Variants in AKR1D1 observed in about 807,000 individuals in gnomAD.
AKR1D1 encodes the protein delta(4)-3-ketosteroid 5-beta-reductase.
AKR1D1 carries 32 observed loss-of-function variants against 42.6 expected under a neutral mutation model. The ratio of observed to expected loss-of-function variants is 0.75; its 90% CI spans 0.57 to 1.01. The LOEUF (loss-of-function observed/expected upper bound fraction) is 1.01, where lower values mean the gene tolerates loss of function less well. Ranked by LOEUF, AKR1D1 falls within the 50% of genes least tolerant of loss-of-function variation. The pLI is 0.00. For missense variants in AKR1D1, 364 were observed against 402.2 expected (o/e 0.91, Z 0.81); for synonymous variants, 123 against 135.5 (o/e 0.91, Z 0.64).
At chr7:138,078,401 A>C (rs1462316903) in intron 1 of AKR1D1, among the ~76,000 whole-genome samples, 1 of 152,202 alleles carries the variant, frequency 6.6e-6, no homozygotes, top group South Asian at 2.1e-4. Context: ...AGGAGAAATA[A>C]ACTACCCATA....
At chr7:138,103,327 C>T (rs1794353748) in intron 4 of AKR1D1, among the ~76,000 whole-genome samples, 1 of 151,970 alleles carries the variant, frequency 6.6e-6, no homozygotes, top group Admixed American at 6.6e-5. Context: ...GGAAAATGAA[C>T]CCATAATACG....
At chr7:138,107,353 T>C in intron 6 of AKR1D1, 62 bp from the exon 7 acceptor site, 1 of 1,563,120 alleles carries the variant, frequency 6.4e-7, no homozygotes, top group African/African-American at 1.4e-5. Context: ...AGGAGGATGG[T>C]TTATTAACCT....
chr7:138,111,415 C>T (rs1337317967), intron 7 of AKR1D1, among the ~76,000 whole-genome samples: 1 of 152,204 alleles, frequency 6.6e-6, no homozygotes, highest in Non-Finnish European at 1.5e-5. Flanking sequence ...ACTGGAACAG[C>T]CCTTGTCAAA....
chr7:138,105,050 C>T (rs1042816307), intron 4 of AKR1D1, among the ~76,000 whole-genome samples: 5 of 152,110 alleles, frequency 3.3e-5, no homozygotes, highest in African/African-American at 4.8e-5. Flanking sequence ...TGAGCCATCG[C>T]GCCCTACCTG....
intron 1 of AKR1D1, among the ~76,000 whole-genome samples, chr7:138,083,098 T>A (rs1803091990): frequency 6.6e-6 from 1 of 152,226 alleles, no homozygotes; most frequent in African/African-American, 2.4e-5. Flanking sequence ...AATATATCTT[T>A]AATTTTTTTA....
At chr7:138,093,056 CACTAAT>C (rs1169045192) in intron 3 of AKR1D1, among the ~76,000 whole-genome samples, 1 of 151,552 alleles carries the variant, frequency 6.6e-6, no homozygotes, top group East Asian at 1.9e-4. Context: ...TTAGTAGTAA[CACTAAT>C]ACTAATTACT....
chr7:138,088,460 A>T, intron 1 of AKR1D1, 141 bp from the exon 2 acceptor site: 1 of 1,026,392 alleles, frequency 9.7e-7, no homozygotes. Context: ...GCTGAACACC[A>T]TCTTCCAATC....
intron 4 of AKR1D1, among the ~76,000 whole-genome samples, chr7:138,099,097 C>T (rs1465121088): frequency 1.3e-5 from 2 of 152,100 alleles, no homozygotes; most frequent in Non-Finnish European, 2.9e-5. Flanking sequence ...GCCTGTGAGG[C>T]AACAGCTGAA....
intron 3 of AKR1D1, among the ~76,000 whole-genome samples, chr7:138,095,808 G>A (rs1291003263): frequency 6.6e-6 from 1 of 151,434 alleles, no homozygotes; most frequent in African/African-American, 2.4e-5. Context: ...TTATAGGTGT[G>A]AGCCACTGCG....
chr7:138,105,592 T>G lies in AKR1D1; in HGVS notation c.579+163T>G, dbSNP rs1463521409. 2.0e-5 allele frequency among the ~76,000 whole-genome samples: 3 copies of G among 152,100 alleles called. No individual in the cohort carries two copies. In the South Asian group the frequency reaches 6.2e-4, roughly 32 times the overall value. On this transcript the variant is annotated intron_variant, in intron 5 of 8. Transcript: ENST00000242375. ...AGACTTCTTTCTATTGGTGTCACTT[T>G]AAAAAACGGACTTGGGGCCTGGTGC... is the stretch of plus-strand genomic sequence containing the variant.
intron 4 of AKR1D1, among the ~76,000 whole-genome samples, chr7:138,101,995 G>A (rs898275092): frequency 6.6e-6 from 1 of 152,130 alleles, no homozygotes; most frequent in Non-Finnish European, 1.5e-5. Flanking sequence ...TGGATCACAT[G>A]AGGCCAGGAG....
chr7:138,094,044 T>G (rs1245476600), intron 3 of AKR1D1, among the ~76,000 whole-genome samples: 1 of 152,234 alleles, frequency 6.6e-6, no homozygotes, highest in Non-Finnish European at 1.5e-5. Context: ...CTTTTTGGAC[T>G]TGATAGATAA....
intron 2 of AKR1D1, 80 bp from the exon 3 acceptor site, chr7:138,091,688 T>C (rs969573099): frequency 4.5e-6 from 5 of 1,099,850 alleles, no homozygotes; most frequent in African/African-American, 1.6e-5. Context: ...TGTGTACGAG[T>C]GTTTTACAAA....
chr7:138,086,528 G>A (rs1002957865), intron 1 of AKR1D1, among the ~76,000 whole-genome samples: 2 of 151,948 alleles, frequency 1.3e-5, no homozygotes, highest in African/African-American at 4.8e-5. Flanking sequence ...TTCATTTTTC[G>A]TATCCTCTTA....
At chr7:138,114,678 AAG>A (rs1171311030) in intron 8 of AKR1D1, among the ~76,000 whole-genome samples, 1 of 151,028 alleles carries the variant, frequency 6.6e-6, no homozygotes, top group Non-Finnish European at 1.5e-5. Context: ...AAAAAAAAAA[AAG>A]AATATATTTG....
rs1465467209 is a variant in AKR1D1 at position 138,117,660 on chromosome 7, A to G, written c.*998A>G. ...GGTAATTTTCCTGTATGTACAATTTAAAGAGTGAATAAGATTATTAGAATT... is the reference window on the plus strand; with the variant it reads ...GGTAATTTTCCTGTATGTACAATTTGAAGAGTGAATAAGATTATTAGAATT... On this transcript the variant is annotated 3_prime_UTR_variant, in exon 9 of 9. Coordinates refer to ENST00000242375, the MANE Select transcript of AKR1D1 (RefSeq NM_005989.4). 2 of 152,246 alleles carry G rather than the reference A, an allele frequency of 1.3e-5. No individual in the cohort carries two copies. Among genetic ancestry groups the G allele is most frequent in the African/African-American group, 4.8e-5 (2 of 41,462 alleles). The allele number at this position is 152,246 out of a possible 1,614,324, so 9.4% of individuals were successfully genotyped here.
rs567246144 is a variant in AKR1D1 at position 138,116,590 on chromosome 7, C to A, written c.939-30C>A. On this transcript the variant is annotated intron_variant, in intron 8 of 8. Transcript: ENST00000242375. Reference sequence around the variant, plus strand: ...TACAGCTGTGCAATTTTTGAGTGAACTTTTTTCTGTGGGGGAATTGTTTTG... The same window carrying A: ...TACAGCTGTGCAATTTTTGAGTGAAATTTTTTCTGTGGGGGAATTGTTTTG... The A allele has an allele frequency of 3.1e-6, 5 of 1,613,928 alleles. No individual in the cohort carries two copies. The African/African-American group carries it at 5.3e-5, about 17-fold the overall frequency.
At chr7:138,100,699 C>CTTT (rs749956421) in intron 4 of AKR1D1, among the ~76,000 whole-genome samples, 3,552 of 88,302 alleles carry the variant, frequency 0.04, 249 homozygotes, top group African/African-American at 0.045. Flanking sequence ...GTCAGAGATT[C>CTTT]TTTTTTTTTT....
chr7:138,078,940 A>G (rs1235872833), intron 1 of AKR1D1, among the ~76,000 whole-genome samples: 1 of 152,198 alleles, frequency 6.6e-6, no homozygotes, highest in East Asian at 1.9e-4. Flanking sequence ...GTGGGGGTGC[A>G]GGGCTCAGAA....
Sources: allele counts gnomAD v4.1 joint callset (sites outside exome capture counted in the v4.1 genomes callset), GRCh38; gene constraint gnomAD v4.1.1; transcripts MANE v1.5; gene names NCBI Gene and HGNC (gene_info 2026-07-23, HGNC 2026-07-21).